Variants in INSC observed in about 807,000 individuals in gnomAD.
INSC encodes INSC spindle orientation adaptor protein.
A neutral mutation model predicts 58.6 loss-of-function variants in INSC; 67 were observed. That is an observed-to-expected ratio of 1.14 (90% CI 0.94 to 1.40). The LOEUF is 1.40. Among genes scored for constraint, INSC ranks in the 40% most tolerant of loss-of-function variants. INSC has a pLI of 0.00. For synonymous variants in INSC, 262 were observed against 276.1 expected, an observed-to-expected ratio of 0.95 and a Z score of 0.51; for missense variants, 714 against 692.0, an observed-to-expected ratio of 1.03 and a Z score of -0.36.
intron 1 of INSC, among the ~76,000 whole-genome samples, chr11:15,138,726 G>C (rs950505143): frequency 6.6e-6 from 1 of 152,184 alleles, no homozygotes; most frequent in African/African-American, 2.4e-5. Flanking sequence ...GTAGCTTCTG[G>C]TATTATTATT....
intron 4 of INSC, among the ~76,000 whole-genome samples, chr11:15,177,854 G>A (rs1849626885): frequency 6.6e-6 from 1 of 152,098 alleles, no homozygotes; most frequent in Non-Finnish European, 1.5e-5. Context: ...TTCTTGTCTG[G>A]GAAGAAAATT....
intron 1 of INSC, among the ~76,000 whole-genome samples, chr11:15,124,195 C>CTTTT (rs1847936462): frequency 6.6e-6 from 1 of 152,172 alleles, no homozygotes; most frequent in South Asian, 2.1e-4. Context: ...CTCCTGTATC[C>CTTTT]CTCTTTTCTA....
intron 3 of INSC, among the ~76,000 whole-genome samples, chr11:15,176,599 AG>A (rs1194322335): frequency 6.6e-6 from 1 of 152,194 alleles, no homozygotes; most frequent in Non-Finnish European, 1.5e-5. Flanking sequence ...AAAAGTTCTA[AG>A]AGGCCAAATA....
chr11:15,248,272 A>G (rs1314833539), downstream of INSC, among the ~76,000 whole-genome samples: 1 of 152,238 alleles, frequency 6.6e-6, no homozygotes, highest in Non-Finnish European at 1.5e-5. Context: ...TAAAAATTTA[A>G]GTGTGTGGCA....
At chr11:15,145,075 T>C (rs1163285871) in intron 1 of INSC, among the ~76,000 whole-genome samples, 2 of 152,192 alleles carry the variant, frequency 1.3e-5, no homozygotes, top group African/African-American at 4.8e-5. Flanking sequence ...TTCACCTCTC[T>C]TCCTGGGAAA....
intron 2 of INSC, among the ~76,000 whole-genome samples, chr11:15,160,072 G>A (rs1339239101): frequency 1.3e-5 from 2 of 152,140 alleles, no homozygotes; most frequent in African/African-American, 2.4e-5. Flanking sequence ...GGTAGGACAA[G>A]ACAGACACAA....
At chr11:15,211,803 A>T (rs1851034615) in intron 7 of INSC, among the ~76,000 whole-genome samples, 1 of 151,706 alleles carries the variant, frequency 6.6e-6, no homozygotes, top group Admixed American at 6.6e-5. Flanking sequence ...AATTGAAGTG[A>T]TACCTTTTTC....
chr11:15,266,457 G>A, the INSC span, among the ~76,000 whole-genome samples: 1 of 152,016 alleles, frequency 6.6e-6, no homozygotes, highest in Non-Finnish European at 1.5e-5. Context: ...AAATTTTACA[G>A]AGAATAGACT....
At chr11:15,206,415 C>T (rs2133895680) in intron 7 of INSC, among the ~76,000 whole-genome samples, 1 of 152,268 alleles carries the variant, frequency 6.6e-6, no homozygotes, top group Middle Eastern at 3.4e-3. Context: ...AGGGAGCCAC[C>T]CAATGGGGCT....
intron 1 of INSC, among the ~76,000 whole-genome samples, chr11:15,120,533 C>A (rs560839515): frequency 6.6e-6 from 1 of 152,202 alleles, no homozygotes; most frequent in East Asian, 1.9e-4. Context: ...GGTAGAGAGA[C>A]CAGCACGTGT....
chr11:15,201,347 G>A lies in INSC; in HGVS notation c.819+398G>A, dbSNP rs575522748. On this transcript the variant is annotated intron_variant, in intron 7 of 12. Coordinates refer to ENST00000379556, the MANE Select transcript of INSC (RefSeq NM_001042536.3). Reference sequence around the variant, plus strand: ...ATCCAGATCCTGGGAGCATTGACTGGGCAAGAGCAGGGCAGCACTGGGTGT... The same window carrying A: ...ATCCAGATCCTGGGAGCATTGACTGAGCAAGAGCAGGGCAGCACTGGGTGT... Among the ~76,000 whole-genome samples the A allele has an allele frequency of 5.9e-5, 9 of 152,248 alleles. No individual in the cohort carries two copies. The South Asian group carries it at 1.7e-3, about 28-fold the overall frequency.
intron 5 of INSC, 77 bp from the exon 6 acceptor site, chr11:15,190,624 C>T: frequency 1.0e-6 from 1 of 957,108 alleles, no homozygotes. Flanking sequence ...GAGCATGGGC[C>T]CACTGGTGTT....
In INSC at chr11:15,200,889, GGC is replaced by G. The variant is rs760609154; in HGVS notation, c.762_763del (p.Leu255ProfsTer41). 2.5e-6 allele frequency: 4 copies of G among 1,613,778 alleles called. No homozygotes were observed. Among genetic ancestry groups the G allele is most frequent in the Non-Finnish European group, 3.4e-6 (4 of 1,180,016 alleles). ...QDSFRCLYPQALRTLASICCV... is the reference protein window; with the variant it reads ...QDSFRCLYPQXLRTLASICCV... ...ACAGTTTCCGGTGCTTGTACCCCCA[GGC>G]GCTCCGCACGCTGGCCTCCATCTGC... On this transcript the variant is annotated frameshift_variant, in exon 7 of 13. Coordinates refer to ENST00000379556, the MANE Select transcript of INSC (RefSeq NM_001042536.3). LOFTEE classifies it high-confidence loss of function.
intron 7 of INSC, among the ~76,000 whole-genome samples, chr11:15,203,704 CA>C (rs1425498343): frequency 2.0e-5 from 3 of 152,194 alleles, no homozygotes; most frequent in Non-Finnish European, 4.4e-5. Flanking sequence ...GTGAACAAAA[CA>C]GACAAAACCT....
chr11:15,212,709 T>C (rs1487280989), intron 7 of INSC, among the ~76,000 whole-genome samples: 1 of 152,222 alleles, frequency 6.6e-6, no homozygotes, highest in Non-Finnish European at 1.5e-5. Context: ...TCTTGCTTGC[T>C]ATATTTACTT....
chr11:15,247,352 A>C (rs916692848), downstream of INSC: 1 of 152,104 alleles, frequency 6.6e-6, no homozygotes, highest in African/African-American at 2.4e-5. Flanking sequence ...AGGTTATTAA[A>C]TTACTTGCAC....
chr11:15,245,562 T>C (rs1438481027), intron 12 of INSC, among the ~76,000 whole-genome samples: 3 of 152,218 alleles, frequency 2.0e-5, no homozygotes, highest in East Asian at 3.8e-4. Context: ...GTGCTTTCTA[T>C]AGCACCTTGC....
chr11:15,186,533 G>A (rs912411929), intron 5 of INSC, among the ~76,000 whole-genome samples: 1 of 152,142 alleles, frequency 6.6e-6, no homozygotes, highest in African/African-American at 2.4e-5. Flanking sequence ...TTTGGGGTCT[G>A]TCAAAATATT....
At chr11:15,217,719 G>A (rs1160714374) in intron 7 of INSC, among the ~76,000 whole-genome samples, 3 of 152,184 alleles carry the variant, frequency 2.0e-5, no homozygotes, top group African/African-American at 7.2e-5. Flanking sequence ...GCAATTTATA[G>A]TAGAGGAGAT....
Sources: allele counts gnomAD v4.1 joint callset (sites outside exome capture counted in the v4.1 genomes callset), GRCh38; gene constraint gnomAD v4.1.1; transcripts MANE v1.5; gene names NCBI Gene and HGNC (gene_info 2026-07-23, HGNC 2026-07-21).